The following KANK1 variants were observed in gnomAD, a reference collection of about 807,000 sequenced individuals.
The protein encoded by KANK1 is KN motif and ankyrin repeat domain-containing protein 1.
Under a neutral mutation model 106.2 loss-of-function variants are expected in KANK1, and 109 were observed. The observed-to-expected ratio is 1.03, with a 90% CI of 0.88 to 1.20. The LOEUF (loss-of-function observed/expected upper bound fraction) is 1.20, where lower values mean the gene tolerates loss of function less well. Ranked by LOEUF, KANK1 falls within the 50% of genes most tolerant of loss-of-function variation. The pLI is 0.00. For synonymous variants in KANK1, 873 were observed against 652.2 expected (o/e 1.34, Z -5.16); for missense variants, 2,399 against 1,710.7 (o/e 1.40, Z -7.10).
chr9:664,788 A>C (rs1366078420), intron 1 of KANK1, among the ~76,000 whole-genome samples: 1 of 152,190 alleles, frequency 6.6e-6, no homozygotes, highest in African/African-American at 2.4e-5. Flanking sequence ...TTACATTCCC[A>C]CCAACAATGT....
At chr9:558,452 C>CG (rs981848686) in intron 1 of KANK1, among the ~76,000 whole-genome samples, 22 of 152,134 alleles carry the variant, frequency 1.4e-4, no homozygotes, top group African/African-American at 5.1e-4. Flanking sequence ...CAATACATAG[C>CG]CTTGTTTTGC....
chr9:623,379 C>T (rs1203346235), intron 1 of KANK1, among the ~76,000 whole-genome samples: 2 of 151,964 alleles, frequency 1.3e-5, no homozygotes, highest in Non-Finnish European at 2.9e-5. Context: ...TGCTTGAGTC[C>T]AGGAGTTCCA....
At position 689,672 on chromosome 9, in the gene KANK1, C is replaced by A. The variant is rs77875349; in HGVS notation, c.37+12663C>A. ...TTGGTGCTGTGGAAAGGGCCATACC[C>A]ACTTTCTCCCTCATTGCAGCTCACA... On this transcript the variant is annotated intron_variant, in intron 2 of 11. Transcript: ENST00000382297. Among the ~76,000 whole-genome samples the A allele has an allele frequency of 1.4e-4, 21 of 152,272 alleles. No homozygotes were observed. In the East Asian group the frequency reaches 3.3e-3, roughly 24 times the overall value.
rs1433835952 is a variant in KANK1, at chr9:498,882, T to C, written c.-362+25609T>C. ...AACAGTTTGGTAGTTCCTCAAAAAG[T>C]TGAACATGGAGTTGGCTGGGCGAGG... On this transcript the variant is annotated intron_variant, in intron 3 of 15. Transcript: ENST00000382303. Among the ~76,000 whole-genome samples the C allele has an allele frequency of 2.0e-5, 3 of 152,238 alleles. No individual in the cohort carries two copies. The East Asian group carries it at 5.8e-4, about 29-fold the overall frequency.
chr9:718,599 C>T (rs1828399645), intron 3 of KANK1, among the ~76,000 whole-genome samples: 1 of 152,084 alleles, frequency 6.6e-6, no homozygotes, highest in South Asian at 2.1e-4. Flanking sequence ...TGTGAGCCAC[C>T]ATGCCAGGCC....
In KANK1 at chr9:745,259, T is replaced by C. The variant is rs1440734190; in HGVS notation, c.*24T>C. 2 of 1,613,838 alleles carry C rather than the reference T, an allele frequency of 1.2e-6. No individual in the cohort carries two copies. Among genetic ancestry groups the C allele is most frequent in the Non-Finnish European group, 1.7e-6 (2 of 1,179,740 alleles). On this transcript the variant is annotated 3_prime_UTR_variant, in exon 12 of 12. Coordinates refer to ENST00000382297, the MANE Select transcript of KANK1 (RefSeq NM_015158.5). ...GATTGTATGCAAATAGCCCTTTATTTACATGCCACTATTAAGCTGCTAATT... is the reference window on the plus strand; with the variant it reads ...GATTGTATGCAAATAGCCCTTTATTCACATGCCACTATTAAGCTGCTAATT...
At chr9:488,275 G>A (rs2058326261) in intron 3 of KANK1, among the ~76,000 whole-genome samples, 3 of 152,158 alleles carry the variant, frequency 2.0e-5, no homozygotes, top group South Asian at 2.1e-4. Flanking sequence ...AGTGTGGTGG[G>A]AATGTGTGGC....
rs1040605625 is a variant in KANK1, at chr9:739,412, A to T, written c.3553+908A>T. On this transcript the variant is annotated intron_variant, in intron 8 of 11. Transcript: ENST00000382297. ...CCAATCTCTTCTGCTCTGTTTTGGG[A>T]ACTTGGAATTGATGCAGAGAAGAAA... 1.2e-4 allele frequency among the ~76,000 whole-genome samples: 19 copies of T among 152,040 alleles called. 1 individual carries two copies. Among genetic ancestry groups the T allele is most frequent in the Admixed American group, 1.0e-3 (16 of 15,260 alleles).
chr9:578,800 C>T (rs1309678951), intron 1 of KANK1, among the ~76,000 whole-genome samples: 1 of 152,122 alleles, frequency 6.6e-6, no homozygotes, highest in Non-Finnish European at 1.5e-5. Flanking sequence ...TAATATTACT[C>T]TACATAATCA....
chr9:618,209 A>G (rs1832305758), intron 1 of KANK1, among the ~76,000 whole-genome samples: 1 of 152,018 alleles, frequency 6.6e-6, no homozygotes, highest in Admixed American at 6.6e-5. Context: ...TCCAGATCAC[A>G]TTTATTTATT....
rs1588832585 is a variant in KANK1, at chr9:676,835, A to T, written c.-83-55A>T. The T allele has an allele frequency of 4.8e-6, 3 of 627,606 alleles. No individual in the cohort carries two copies. The East Asian group carries it at 8.4e-5, about 17-fold the overall frequency. 38.9% of individuals were successfully genotyped at this position (627,606 alleles called of 1,614,324 possible). A position where few individuals can be genotyped will look rare whatever the true frequency, so the allele number is the denominator to read the frequency against. Reference sequence around the variant, plus strand: ...CTTTGTAAACAGAAGTCTAAGATTTAGTTTGTACATTTTTTAAATGATCCA... The same window carrying T: ...CTTTGTAAACAGAAGTCTAAGATTTTGTTTGTACATTTTTTAAATGATCCA... On this transcript the variant is annotated intron_variant, in intron 1 of 11. Transcript: ENST00000382297.
intron 1 of KANK1, among the ~76,000 whole-genome samples, chr9:559,180 G>T (rs1336023695): frequency 1.3e-5 from 2 of 152,100 alleles, no homozygotes; most frequent in Non-Finnish European, 2.9e-5. Flanking sequence ...CTTGTGAGTT[G>T]TCTAGTCTGT....
intron 3 of KANK1, among the ~76,000 whole-genome samples, chr9:720,750 A>G (rs1414853166): frequency 6.6e-6 from 1 of 152,172 alleles, no homozygotes; most frequent in Non-Finnish European, 1.5e-5. Flanking sequence ...CTCCAGCCTC[A>G]GCCCCTCAAA....
chr9:712,763 C>T lies in KANK1; in HGVS notation c.1997C>T (p.Pro666Leu), dbSNP rs746088661. The T allele has an allele frequency of 1.2e-4, 195 of 1,613,754 alleles. No homozygotes were observed. Among genetic ancestry groups the T allele is most frequent in the Non-Finnish European group, 1.6e-4 (193 of 1,179,894 alleles). Residue 666 changes from proline to leucine, a missense_variant, in exon 3 of 12, where the codon CCT (proline) becomes CTT (leucine). By Grantham distance (98) the Pro-to-Leu change is moderately conservative. Transcript: ENST00000382297. ...GTGGAAGCTGCCGTCATGGCAGTGC[C>T]TCGTACTGCAGACCAGGACACTAGC... Reference protein sequence around the residue: ...SQVEAAVMAVPRTADQDTSTD... With the variant: ...SQVEAAVMAVLRTADQDTSTD...
intron 1 of KANK1, among the ~76,000 whole-genome samples, chr9:662,665 A>ATT (rs34481151): frequency 0.25 from 35,444 of 141,582 alleles, 5,615 homozygotes; most frequent in South Asian, 0.45. Flanking sequence ...ACAAAAGTTA[A>ATT]TTTTTTTTTT....
intron 1 of KANK1, among the ~76,000 whole-genome samples, chr9:517,611 G>A (rs1022639700): frequency 1.3e-5 from 2 of 151,572 alleles, no homozygotes; most frequent in African/African-American, 2.4e-5. Flanking sequence ...TTCTAGAGAA[G>A]GTAAGCATCT....
At chr9:719,234 TG>T (rs1298946781) in intron 3 of KANK1, among the ~76,000 whole-genome samples, 1 of 152,238 alleles carries the variant, frequency 6.6e-6, no homozygotes, top group African/African-American at 2.4e-5. Flanking sequence ...CCCAAAGTGC[TG>T]GGATTACAGG....
chr9:737,457 G>T (rs538467211), intron 7 of KANK1, among the ~76,000 whole-genome samples: 1 of 152,248 alleles, frequency 6.6e-6, no homozygotes, highest in South Asian at 2.1e-4. Flanking sequence ...TCATATGAAG[G>T]CCCATTGAAA....
intron 1 of KANK1, among the ~76,000 whole-genome samples, chr9:655,581 G>C (rs1841965408): frequency 6.6e-6 from 1 of 152,132 alleles, no homozygotes; most frequent in Non-Finnish European, 1.5e-5. Context: ...CCAAAATGCT[G>C]CTTTTTTAAA....
Sources: allele counts gnomAD v4.1 joint callset (sites outside exome capture counted in the v4.1 genomes callset), GRCh38; gene constraint gnomAD v4.1.1; transcripts MANE v1.5; gene names NCBI Gene and HGNC (gene_info 2026-07-23, HGNC 2026-07-21).